The following VMA21 variants were observed in gnomAD, a reference collection of about 807,000 sequenced individuals.
VMA21 encodes vacuolar ATPase assembly factor VMA21.
For synonymous variants in VMA21, 47 were observed against 34.1 expected, an observed-to-expected ratio of 1.38 and a Z score of -1.32; for missense variants, 61 against 80.6, an observed-to-expected ratio of 0.76 and a Z score of 0.93.
chrX:151,403,526 T>G, intron 1 of VMA21, 105 bp from the exon 2 acceptor site: 1 of 625,293 alleles, frequency 1.6e-6, no homozygotes, highest in East Asian at 3.3e-5. Context: ...GTGATCTTCC[T>G]CCTGCATAGC....
intron 2 of VMA21, 76 bp from the exon 3 acceptor site, chrX:151,404,840 A>C: frequency 9.1e-7 from 1 of 1,100,976 alleles, no homozygotes; most frequent in East Asian, 3.0e-5. Context: ...CATAAAAATT[A>C]GGATGCTTTG....
At chrX:151,401,612 T>C (rs754907925) in intron 1 of VMA21, among the ~76,000 whole-genome samples, 1 of 112,256 alleles carries the variant, frequency 8.9e-6, no homozygotes, top group African/African-American at 3.2e-5. Context: ...GCTGTAGACA[T>C]TTCAACAGTA....
intron 1 of VMA21, among the ~76,000 whole-genome samples, chrX:151,400,263 C>T (rs1413840682): frequency 9.4e-5 from 9 of 96,168 alleles, no homozygotes; most frequent in African/African-American, 3.5e-4. Flanking sequence ...GACCGTTGAC[C>T]TTTTTTTTTT....
chrX:151,400,616 T>A (rs1318171730), intron 1 of VMA21, among the ~76,000 whole-genome samples: 1 of 112,312 alleles, frequency 8.9e-6, no homozygotes, highest in Non-Finnish European at 1.9e-5. Context: ...TTAATTTCTT[T>A]AGGAACTGTT....
intron 1 of VMA21, among the ~76,000 whole-genome samples, chrX:151,400,147 C>G (rs762236695): frequency 2.7e-5 from 3 of 110,763 alleles, no homozygotes; most frequent in Non-Finnish European, 5.7e-5. Context: ...ATCCATATAT[C>G]TACTGCTTTG....
In VMA21 at chrX:151,397,266, G is replaced by T. The variant is rs749237006; in HGVS notation, c.-43G>T. ...GGAGCTTACTGAGCGCGGCCGCCGA[G>T]CCCAGCTCCGCCGCCGAGCGCCTGT... On this transcript the variant is annotated 5_prime_UTR_variant, in exon 1 of 3. Coordinates refer to ENST00000330374, the MANE Select transcript of VMA21 (RefSeq NM_001017980.4). 460 of 1,148,288 alleles carry T rather than the reference G, an allele frequency of 4.0e-4. 1 individual carries two copies. Among genetic ancestry groups the T allele is most frequent in the Non-Finnish European group, 5.1e-4 (440 of 866,752 alleles). 94.6% of individuals were successfully genotyped at this position (1,148,288 alleles called of 1,213,427 possible).
At chrX:151,403,508 C>T (rs764847271) in intron 1 of VMA21, 123 bp from the exon 2 acceptor site, 84 of 575,709 alleles carry the variant, frequency 1.5e-4, no homozygotes, top group Non-Finnish European at 2.4e-4. Context: ...GATTACGAGT[C>T]CCTGCCTGTG....
upstream of VMA21, chrX:151,397,075 C>T: frequency 6.5e-6 from 3 of 459,438 alleles, no homozygotes; most frequent in East Asian, 7.8e-5. Flanking sequence ...ATGTGAGCGC[C>T]CGCCCCCGCG....
At chrX:151,398,322 G>T (rs112077055) in intron 1 of VMA21, among the ~76,000 whole-genome samples, 39,820 of 107,908 alleles carry the variant, frequency 0.37, 6,755 homozygotes, top group Non-Finnish European at 0.53. Context: ...CCCGATAGGC[G>T]TTTTTTCTGA....
intron 1 of VMA21, among the ~76,000 whole-genome samples, chrX:151,401,967 C>T (rs1274793605): frequency 9.1e-6 from 1 of 110,073 alleles, no homozygotes; most frequent in Non-Finnish European, 1.9e-5. Flanking sequence ...CCTAGGCTTG[C>T]GTCAAACTCC....
intron 2 of VMA21, among the ~76,000 whole-genome samples, chrX:151,404,492 C>T (rs998648477): frequency 1.8e-5 from 2 of 112,359 alleles, no homozygotes. Flanking sequence ...GATCTCGGCT[C>T]GCGTCAAGCT....
intron 1 of VMA21, among the ~76,000 whole-genome samples, chrX:151,398,290 C>T (rs1009305511): frequency 1.7e-4 from 17 of 101,997 alleles, no homozygotes; most frequent in African/African-American, 5.9e-4. Flanking sequence ...GTAATTTTGT[C>T]ACCCAGGTAA....
chrX:151,397,250 T>C lies in VMA21; in HGVS notation c.-59T>C. ...TCGGCCGTTCCCTCGCGGAGCTTAC[T>C]GAGCGCGGCCGCCGAGCCCAGCTCC... On this transcript the variant is annotated 5_prime_UTR_variant, in exon 1 of 3. Transcript: ENST00000330374. 1 of 1,131,584 alleles carries C rather than the reference T, an allele frequency of 8.8e-7. No individual in the cohort carries two copies. The highest frequency in any genetic ancestry group is 1.2e-6 in the Non-Finnish European group (1 of 853,655). 93.3% of individuals were successfully genotyped at this position (1,131,584 alleles called of 1,213,427 possible). A position where few individuals can be genotyped will look rare whatever the true frequency, so the allele number is the denominator to read the frequency against.
rs964378269 is a variant in VMA21 at position 151,408,787 on chromosome X, C to T, written c.*3729C>T. ...TGAATAGCTTAATCCTTTATATATT[C>T]CTTAAAATAGGAATTCCTCGACATC... On this transcript the variant is annotated 3_prime_UTR_variant, in exon 3 of 3. Coordinates refer to ENST00000330374, the MANE Select transcript of VMA21 (RefSeq NM_001017980.4). The T allele has an allele frequency of 3.6e-4, 41 of 112,540 alleles. No homozygotes were observed. The highest frequency in any genetic ancestry group is 1.1e-3 in the African/African-American group (34 of 30,925). 9.3% of individuals were successfully genotyped at this position (112,540 alleles called of 1,213,427 possible). A position where few individuals can be genotyped will look rare whatever the true frequency, so the allele number is the denominator to read the frequency against.
chrX:151,400,666 TGTA>T (rs1174841696), intron 1 of VMA21, among the ~76,000 whole-genome samples: 4 of 112,360 alleles, frequency 3.6e-5, no homozygotes, highest in Non-Finnish European at 7.5e-5. Context: ...CCAGTCACAA[TGTA>T]GTAGGGTTTC....
In VMA21 at chrX:151,397,288, C is replaced by G. The variant is rs1389598185; in HGVS notation, c.-21C>G. On this transcript the variant is annotated 5_prime_UTR_variant, in exon 1 of 3. Coordinates refer to ENST00000330374, the MANE Select transcript of VMA21 (RefSeq NM_001017980.4). ...CGAGCCCAGCTCCGCCGCCGAGCGC[C>G]TGTGCCGGCACGGCTACACCATGGA... is the stretch of plus-strand genomic sequence containing the variant. The G allele has an allele frequency of 8.7e-7, 1 of 1,155,037 alleles. No individual in the cohort carries two copies. The highest frequency in any genetic ancestry group is 1.1e-6 in the Non-Finnish European group (1 of 869,919).
rs1021248179 is a variant in VMA21 at position 151,402,048 on chromosome X, A to AT, written c.54-1574dup. ...GAGCCACTGAGCCTGGCCCCTAAGT[A>AT]TTTTTTTTTAATGCTATTATAAATG... On this transcript the variant is annotated intron_variant, in intron 1 of 2. Transcript: ENST00000330374. Among the ~76,000 whole-genome samples, 129 of 107,293 alleles carry AT rather than the reference A, an allele frequency of 1.2e-3. 1 individual carries two copies. The highest frequency in any genetic ancestry group is 4.2e-3 in the African/African-American group (123 of 29,526). 93.2% of individuals were successfully genotyped at this position (107,293 alleles called of 115,157 possible).
upstream of VMA21, chrX:151,397,058 G>A (rs1343776842): frequency 2.1e-5 from 10 of 486,931 alleles, no homozygotes; most frequent in Admixed American, 1.7e-4. Flanking sequence ...GCCACCGCCG[G>A]TAAGTCATGT....
rs2011288510 is a variant in VMA21 at position 151,406,056 on chromosome X, T to G, written c.*998T>G. 1.8e-5 allele frequency: 2 copies of G among 111,661 alleles called. No homozygotes were observed. The highest frequency in any genetic ancestry group is 1.9e-4 in the Admixed American group (2 of 10,501). 9.2% of individuals were successfully genotyped at this position (111,661 alleles called of 1,213,427 possible). A position where few individuals can be genotyped will look rare whatever the true frequency, so the allele number is the denominator to read the frequency against. On this transcript the variant is annotated 3_prime_UTR_variant, in exon 3 of 3. Coordinates refer to ENST00000330374, the MANE Select transcript of VMA21 (RefSeq NM_001017980.4). Reference sequence around the variant, plus strand: ...GTTCTTTCTAGTTATTTGGTACTAATTATGTGCAATCTAAAAACACTCCCA... The same window carrying G: ...GTTCTTTCTAGTTATTTGGTACTAAGTATGTGCAATCTAAAAACACTCCCA...
Sources: gnomAD v4.1 joint callset for allele counts (sites outside exome capture counted in the v4.1 genomes callset) on GRCh38, gnomAD v4.1.1 for gene constraint, MANE v1.5 for transcripts, NCBI Gene and HGNC (gene_info 2026-07-23, HGNC 2026-07-21) for gene names.